TENM1: variants seen among roughly 807,000 people sequenced by gnomAD.
The protein encoded by TENM1 is teneurin-1.
A neutral mutation model predicts 174.8 loss-of-function variants in TENM1; 35 were observed. The ratio of observed to expected loss-of-function variants is 0.20; its 90% CI spans 0.15 to 0.27. The LOEUF (loss-of-function observed/expected upper bound fraction) is 0.27. TENM1 is among the 10% of genes least tolerant of loss of function. The pLI is 1.00. For synonymous variants in TENM1, 781 were observed against 798.7 expected, an observed-to-expected ratio of 0.98 and a Z score of 0.37; for missense variants, 1,633 against 2,130.1, an observed-to-expected ratio of 0.77 and a Z score of 4.59.
At chrX:124,395,737 C>G (rs2147633582) in intron 27 of TENM1, among the ~76,000 whole-genome samples, 1 of 112,024 alleles carries the variant, frequency 8.9e-6, no homozygotes, top group African/African-American at 3.2e-5. Flanking sequence ...CTATAGGAAA[C>G]CAGGTGTTCT....
chrX:124,578,344 A>C (rs903574753), intron 11 of TENM1, among the ~76,000 whole-genome samples: 1 of 111,706 alleles, frequency 9.0e-6, no homozygotes, highest in South Asian at 3.8e-4. Context: ...TACATCTTTC[A>C]GTTCTTCTGT....
intron 20 of TENM1, among the ~76,000 whole-genome samples, chrX:124,489,361 GA>G (rs1348929347): frequency 8.9e-6 from 1 of 112,590 alleles, no homozygotes; most frequent in Non-Finnish European, 1.9e-5. Context: ...TAATTTAAAA[GA>G]AAATTATTGA....
intron 6 of TENM1, among the ~76,000 whole-genome samples, chrX:124,659,628 T>C (rs755249488): frequency 9.0e-6 from 1 of 111,355 alleles, no homozygotes; most frequent in South Asian, 3.8e-4. Context: ...ATAGACAAGC[T>C]GATGCTAAAA....
chrX:124,877,208 T>C (rs1184413307), intron 3 of TENM1, among the ~76,000 whole-genome samples: 1 of 112,463 alleles, frequency 8.9e-6, no homozygotes, highest in East Asian at 2.8e-4. Context: ...ATTAACGCAC[T>C]GCAGATCTTC....
At chrX:124,557,365 C>T (rs1313972789) in intron 14 of TENM1, among the ~76,000 whole-genome samples, 1 of 111,079 alleles carries the variant, frequency 9.0e-6, no homozygotes, top group Non-Finnish European at 1.9e-5. Flanking sequence ...AAAAGTTTTA[C>T]ATTTTTACTA....
At chrX:124,444,629 T>A (rs941105808) in intron 23 of TENM1, among the ~76,000 whole-genome samples, 64 of 111,447 alleles carry the variant, frequency 5.7e-4, no homozygotes, top group African/African-American at 2.0e-3. Flanking sequence ...AAGTAAATGT[T>A]CTGTGGCTAA....
intron 23 of TENM1, among the ~76,000 whole-genome samples, chrX:124,423,352 G>GT (rs774053921): frequency 1.8e-5 from 2 of 111,919 alleles, no homozygotes; most frequent in South Asian, 7.5e-4. Flanking sequence ...GAAACAGGTT[G>GT]TTTTTTTCTT....
chrX:125,097,928 G>GTCT, the TENM1 span, among the ~76,000 whole-genome samples: 1 of 110,440 alleles, frequency 9.1e-6, no homozygotes, highest in Non-Finnish European at 1.9e-5. Context: ...TAAAAATCTG[G>GTCT]TATGTTAAAA....
chrX:124,775,543 G>A (rs1390762595), intron 3 of TENM1, among the ~76,000 whole-genome samples: 1 of 111,678 alleles, frequency 9.0e-6, no homozygotes, highest in Non-Finnish European at 1.9e-5. Flanking sequence ...AAAGGTTTCT[G>A]GAAAAGATTA....
intron 5 of TENM1, among the ~76,000 whole-genome samples, chrX:124,675,552 C>A (rs1348692417): frequency 9.2e-6 from 1 of 108,394 alleles, no homozygotes; most frequent in East Asian, 2.9e-4. Flanking sequence ...GTCATATTCA[C>A]ATGTTGATTC....
the TENM1 span, among the ~76,000 whole-genome samples, chrX:125,158,417 A>G: frequency 1.9e-5 from 2 of 106,718 alleles, no homozygotes; most frequent in Admixed American, 2.0e-4. Context: ...AAAAAAAAAA[A>G]AAAAAAAGCA....
intron 3 of TENM1, among the ~76,000 whole-genome samples, chrX:124,753,993 A>G (rs1346226265): frequency 6.4e-4 from 71 of 111,794 alleles, no homozygotes; most frequent in Non-Finnish European, 1.1e-3. Flanking sequence ...TCAGGATGAT[A>G]CTGGCCTCAT....
At position 124,514,022 on chromosome X, in the gene TENM1, A is replaced by G. The variant is rs191112212; in HGVS notation, c.3301+6495T>C. On this transcript the variant is annotated intron_variant, in intron 18 of 31. Coordinates refer to ENST00000422452, the Ensembl canonical transcript of TENM1. ...GAGTGGGGAGTGACTGCTAATATGT[A>G]CAGGGTTACTTTGTGGAGTGATGAT... Among the ~76,000 whole-genome samples the G allele has an allele frequency of 3.6e-5, 4 of 111,910 alleles. No individual in the cohort carries two copies. In the East Asian group the frequency reaches 1.1e-3, roughly 31 times the overall value.
the TENM1 span, among the ~76,000 whole-genome samples, chrX:125,129,181 G>A: frequency 1.4e-3 from 159 of 111,980 alleles, no homozygotes; most frequent in Non-Finnish European, 2.3e-3. Flanking sequence ...GATCTCAGAC[G>A]TCTAGACTCC....
At chrX:124,566,346 A>G (rs2048941546) in intron 11 of TENM1, among the ~76,000 whole-genome samples, 1 of 112,335 alleles carries the variant, frequency 8.9e-6, no homozygotes, top group Non-Finnish European at 1.9e-5. Flanking sequence ...TAGACAGTAT[A>G]ATAATGATGA....
Position 124,773,232 on chromosome X carries a change from C to G in TENM1, c.536-36035G>C, listed in dbSNP as rs752840515. Among the ~76,000 whole-genome samples the G allele has an allele frequency of 2.6e-4, 29 of 111,253 alleles. No individual in the cohort carries two copies. The South Asian group carries it at 0.011, about 41-fold the overall frequency. On this transcript the variant is annotated intron_variant, in intron 3 of 31. Coordinates refer to ENST00000422452, the Ensembl canonical transcript of TENM1. ...TGCCTTGGAAGCACTGCAGTTTTCT[C>G]TGAAACCAGATGTATCAAGATTTTT... is the stretch of plus-strand genomic sequence containing the variant.
the TENM1 span, among the ~76,000 whole-genome samples, chrX:125,181,848 T>A: frequency 9.0e-6 from 1 of 111,453 alleles, no homozygotes; most frequent in African/African-American, 3.3e-5. Context: ...GGTCACTAGG[T>A]AAATAACCCT....
intron 18 of TENM1, among the ~76,000 whole-genome samples, chrX:124,508,829 G>A (rs909427591): frequency 8.9e-6 from 1 of 111,787 alleles, no homozygotes; most frequent in African/African-American, 3.3e-5. Context: ...CCTGGGCACT[G>A]CCCTCCTCTC....
At chrX:124,935,448 A>G (rs189400668) in intron 1 of TENM1, among the ~76,000 whole-genome samples, 11 of 111,176 alleles carry the variant, frequency 9.9e-5, no homozygotes, top group Admixed American at 8.6e-4. Flanking sequence ...GACCCTTCTA[A>G]CCCCTTATTT....
Sources: gnomAD v4.1 joint callset for allele counts (sites outside exome capture counted in the v4.1 genomes callset) on GRCh38, gnomAD v4.1.1 for gene constraint, MANE v1.5 for transcripts, NCBI Gene and HGNC (gene_info 2026-07-23, HGNC 2026-07-21) for gene names.